Variants in SNRPN observed in about 807,000 individuals in gnomAD.
SNRPN encodes the protein small nuclear ribonucleoprotein polypeptide N, also known as small nuclear ribonucleoprotein-associated protein N.
A neutral mutation model predicts 25.2 loss-of-function variants in SNRPN; 7 were observed. The ratio of observed to expected loss-of-function variants is 0.28; its 90% CI spans 0.16 to 0.52. The LOEUF is 0.52. Among genes scored for constraint, SNRPN ranks in the 20% least tolerant of loss-of-function variants. The pLI is 0.96. For synonymous variants in SNRPN, 124 were observed against 110.6 expected (o/e 1.12, Z -0.76); for missense variants, 196 against 322.5 (o/e 0.61, Z 3.00).
chr15:24,922,037 T>TAA (rs67089476), intron 3 of SNRPN, among the ~76,000 whole-genome samples: 6 of 94,404 alleles, frequency 6.4e-5, no homozygotes, highest in East Asian at 3.2e-4. Context: ...CCGTCTCTAC[T>TAA]AAAAAAAAAA....
intron 2 of SNRPN, among the ~76,000 whole-genome samples, chr15:24,835,114 TCTATATATAAAATATATAGATATATATA>T (rs1245224536): frequency 1.7e-4 from 11 of 66,094 alleles, no homozygotes; most frequent in Non-Finnish European, 3.5e-4. Context: ...ATACTATATA[TCTATATATAAAATATATAGATATATATA>T]CTATATATAA....
chr15:24,936,754 G>A (rs1454919211), intron 3 of SNRPN, among the ~76,000 whole-genome samples: 3 of 151,882 alleles, frequency 2.0e-5, no homozygotes, highest in Non-Finnish European at 4.4e-5. Flanking sequence ...GCACCAAAGG[G>A]GAAATCCACC....
upstream of SNRPN, among the ~76,000 whole-genome samples, chr15:24,951,290 T>C (rs28805921): frequency 0.34 from 51,744 of 151,898 alleles, 9,117 homozygotes; most frequent in East Asian, 0.51. Flanking sequence ...CAATCAGCAG[T>C]GTTAGAGGGT....
chr15:24,859,847 G>A (rs777331828), intron 1 of SNRPN, among the ~76,000 whole-genome samples: 3 of 152,150 alleles, frequency 2.0e-5, no homozygotes, highest in Non-Finnish European at 4.4e-5. Context: ...TTCTGATGTT[G>A]CCATGGCATT....
At chr15:24,856,168 T>C (rs2053364005), upstream of SNRPN, among the ~76,000 whole-genome samples, 1 of 152,180 alleles carries the variant, frequency 6.6e-6, no homozygotes, top group East Asian at 1.9e-4. Flanking sequence ...TGTGCTATTA[T>C]ATAAAGAAGA....
chr15:24,859,167 C>T (rs1157126712), intron 1 of SNRPN, among the ~76,000 whole-genome samples: 1 of 152,152 alleles, frequency 6.6e-6, no homozygotes, highest in Non-Finnish European at 1.5e-5. Context: ...CTCTTGTGCC[C>T]CTTTGTTCTG....
chr15:24,862,755 C>T (rs1376160463), intron 1 of SNRPN, among the ~76,000 whole-genome samples: 3 of 150,582 alleles, frequency 2.0e-5, no homozygotes, highest in Non-Finnish European at 2.9e-5. Flanking sequence ...ACAAGGGGGG[C>T]CTTCAGGAGG....
intron 3 of SNRPN, among the ~76,000 whole-genome samples, chr15:24,926,910 C>T (rs2060423142): frequency 1.3e-5 from 2 of 151,972 alleles, no homozygotes; most frequent in African/African-American, 4.8e-5. Context: ...ACTCAGGAGG[C>T]TGAGGCAGGA....
At chr15:24,841,509 C>T (rs148224489) in intron 2 of SNRPN, among the ~76,000 whole-genome samples, 484 of 152,278 alleles carry the variant, frequency 3.2e-3, no homozygotes, top group African/African-American at 0.011. Flanking sequence ...GACCCAGAAA[C>T]ATTGTCATGT....
intron 2 of SNRPN, among the ~76,000 whole-genome samples, chr15:24,894,280 G>A (rs973339171): frequency 1.3e-5 from 2 of 151,566 alleles, no homozygotes; most frequent in Non-Finnish European, 1.5e-5. Context: ...GCGCAGTGGT[G>A]TGATCTCGGC....
intron 3 of SNRPN, among the ~76,000 whole-genome samples, chr15:24,921,714 GCA>G (rs2152561354): frequency 6.6e-6 from 1 of 152,300 alleles, no homozygotes; most frequent in African/African-American, 2.4e-5. Context: ...AGGGAAGAGA[GCA>G]CAGTCCTTCA....
rs976762544 is a variant in SNRPN at position 24,978,584 on chromosome 15, G to A, written c.*140G>A. The A allele has an allele frequency of 1.2e-6, 1 of 801,892 alleles. No individual in the cohort carries two copies. Among genetic ancestry groups the A allele is most frequent in the African/African-American group, 1.7e-5 (1 of 58,164 alleles). 49.7% of individuals were successfully genotyped at this position (801,892 alleles called of 1,614,324 possible). On this transcript the variant is annotated 3_prime_UTR_variant, in exon 10 of 10. Transcript: ENST00000390687. ...AATGCATAGAGCAATTAAACTGTGA[G>A]GTACTGTTGTATATATTTTTTTGCC...
chr15:24,906,116 T>A (rs2058785852), intron 2 of SNRPN, among the ~76,000 whole-genome samples: 1 of 151,968 alleles, frequency 6.6e-6, no homozygotes, highest in South Asian at 2.1e-4. Context: ...AATCCTGGGT[T>A]TTTTTGTTTT....
At chr15:24,957,486 A>G (rs986322647) in intron 1 of SNRPN, among the ~76,000 whole-genome samples, 3 of 152,186 alleles carry the variant, frequency 2.0e-5, no homozygotes, top group African/African-American at 7.2e-5. Context: ...GCATTTTTAT[A>G]TTCCAGTACT....
chr15:24,923,888 T>C (rs1369350224), intron 3 of SNRPN, among the ~76,000 whole-genome samples: 1 of 115,448 alleles, frequency 8.7e-6, no homozygotes, highest in Non-Finnish European at 1.8e-5. Context: ...TGTATGTGTG[T>C]GTGTGTGTGT....
intron 1 of SNRPN, among the ~76,000 whole-genome samples, chr15:24,863,924 T>C (rs533644143): frequency 6.6e-6 from 1 of 151,068 alleles, no homozygotes; most frequent in African/African-American, 2.5e-5. Context: ...ACTTTGGATT[T>C]CGTTTGCTCT....
At position 24,978,336 on chromosome 15, in the gene SNRPN, G is replaced by T. The variant is rs748249158; in HGVS notation, c.685+18G>T. ...CATTAGAGGTGAGTGGGAGCATAGGGGTTTGATGGTTCAGCCAGGCCCCTG... is the reference window on the plus strand; with the variant it reads ...CATTAGAGGTGAGTGGGAGCATAGGTGTTTGATGGTTCAGCCAGGCCCCTG... On this transcript the variant is annotated intron_variant, in intron 9 of 9. Coordinates refer to ENST00000390687, the MANE Select transcript of SNRPN (RefSeq NM_003097.6). 24 of 1,613,878 alleles carry T rather than the reference G, an allele frequency of 1.5e-5. No individual in the cohort carries two copies. The Admixed American group carries it at 2.0e-4, about 13-fold the overall frequency.
chr15:24,840,613 G>C (rs2051606664), intron 2 of SNRPN, among the ~76,000 whole-genome samples: 1 of 152,136 alleles, frequency 6.6e-6, no homozygotes, highest in Admixed American at 6.5e-5. Context: ...GGCTTTATTG[G>C]TTACCTTGAC....
chr15:24,879,441 A>AC (rs2056366417), intron 1 of SNRPN, among the ~76,000 whole-genome samples: 1 of 151,432 alleles, frequency 6.6e-6, no homozygotes, highest in Non-Finnish European at 1.5e-5. Flanking sequence ...TGTCTCTACA[A>AC]AAAAAAAAGA....
Sources: allele counts gnomAD v4.1 joint callset (sites outside exome capture counted in the v4.1 genomes callset), GRCh38; gene constraint gnomAD v4.1.1; transcripts MANE v1.5; gene names NCBI Gene and HGNC (gene_info 2026-07-23, HGNC 2026-07-21).